Variants in CDH20 observed in about 807,000 individuals in gnomAD.
CDH20 encodes the protein cadherin-20.
Under a neutral mutation model 74.2 loss-of-function variants are expected in CDH20, and 29 were observed. That is an observed-to-expected ratio of 0.39 (90% CI 0.29 to 0.53). The LOEUF is 0.53. Among genes scored for constraint, CDH20 ranks in the 20% least tolerant of loss-of-function variants. The pLI, the probability that CDH20 is intolerant of heterozygous loss-of-function variation, is 0.69. For synonymous variants in CDH20, 469 were observed against 405.4 expected (o/e 1.16, Z -1.88); for missense variants, 988 against 1,048.3 (o/e 0.94, Z 0.79).
intron 10 of CDH20, among the ~76,000 whole-genome samples, chr18:61,546,590 A>G (rs489423): frequency 0.95 from 143,522 of 151,804 alleles, 68,003 homozygotes; most frequent in Non-Finnish European, 0.99. Flanking sequence ...AACCCTGGGG[A>G]GGGAAAATAA....
intron 9 of CDH20, among the ~76,000 whole-genome samples, chr18:61,541,416 C>A (rs1458724698): frequency 3.9e-5 from 6 of 152,006 alleles, no homozygotes; most frequent in Non-Finnish European, 8.8e-5. Context: ...CTCCTTCCCC[C>A]CAAAATAAAG....
chr18:61,450,581 T>C (rs1013979092), intron 1 of CDH20, among the ~76,000 whole-genome samples: 1 of 152,038 alleles, frequency 6.6e-6, no homozygotes, highest in African/African-American at 2.4e-5. Flanking sequence ...TTTTTTATTA[T>C]AGAGGTAATG....
rs1909546851 is a variant in CDH20 at position 61,455,608 on chromosome 18, A to G, written c.-152-34794A>G. Among the ~76,000 whole-genome samples the G allele has an allele frequency of 2.0e-5, 3 of 152,242 alleles. No homozygotes were observed. In the South Asian group the frequency reaches 6.2e-4, roughly 32 times the overall value. On this transcript the variant is annotated intron_variant, in intron 1 of 11. Transcript: ENST00000262717. ...TGACTACTAACCTTAAGGAGGCACA[A>G]ATTTTGAGTCATTTATTCTATGTTT...
rs145920224 is a variant in CDH20, at chr18:61,500,390, C to G, written c.549C>G (p.Ser183=). 21 of 1,611,844 alleles carry G rather than the reference C, an allele frequency of 1.3e-5. No individual in the cohort carries two copies. Among genetic ancestry groups the G allele is most frequent in the Non-Finnish European group, 1.7e-5 (20 of 1,178,654 alleles). Residue 183 remains serine (S), a synonymous_variant, in exon 4 of 12, where the codon TCC becomes TCG. Transcript: ENST00000262717. Reference sequence around the variant, plus strand: ...ACCTCTTCTCTTCCCCAGGTACCTCCGTCATCCAAGTGACAGCCACAGATG... The same window carrying G: ...ACCTCTTCTCTTCCCCAGGTACCTCGGTCATCCAAGTGACAGCCACAGATG... The part of the protein sequence containing the change: ...TVPEMSPVGT[S]VIQVTATDAD...
intron 1 of CDH20, among the ~76,000 whole-genome samples, chr18:61,459,043 G>C (rs983353371): frequency 6.6e-6 from 1 of 152,148 alleles, no homozygotes; most frequent in Non-Finnish European, 1.5e-5. Context: ...TACAGTAATA[G>C]CTCCTAAGTG....
At chr18:61,526,633 A>G (rs1414074216) in intron 6 of CDH20, among the ~76,000 whole-genome samples, 1 of 152,226 alleles carries the variant, frequency 6.6e-6, no homozygotes, top group African/African-American at 2.4e-5. Flanking sequence ...ACAACAATAG[A>G]TTAGTCTTCA....
chr18:61,404,440 G>A (rs988875120), intron 1 of CDH20, among the ~76,000 whole-genome samples: 19 of 152,060 alleles, frequency 1.2e-4, no homozygotes, highest in African/African-American at 3.9e-4. Context: ...AAACCCCTAG[G>A]GAAAGTTTTC....
intron 1 of CDH20, among the ~76,000 whole-genome samples, chr18:61,422,755 T>C (rs1036812922): frequency 9.3e-5 from 14 of 150,764 alleles, no homozygotes; most frequent in Admixed American, 2.6e-4. Flanking sequence ...GTTTTAAATA[T>C]ATAAAATATA....
chr18:61,531,302 A>T (rs1488119031), intron 7 of CDH20, among the ~76,000 whole-genome samples: 1 of 152,110 alleles, frequency 6.6e-6, no homozygotes, highest in Non-Finnish European at 1.5e-5. Context: ...TGCGACATTC[A>T]CTATATTGCC....
chr18:61,446,869 C>T (rs148484601), intron 1 of CDH20, among the ~76,000 whole-genome samples: 1 of 152,288 alleles, frequency 6.6e-6, no homozygotes, highest in African/African-American at 2.4e-5. Flanking sequence ...TAGGTGTAAA[C>T]ACACGAGGAT....
intron 1 of CDH20, among the ~76,000 whole-genome samples, chr18:61,414,832 CAT>C (rs1912633323): frequency 2.0e-5 from 3 of 151,888 alleles, no homozygotes; most frequent in Admixed American, 2.0e-4. Context: ...ATATAAATAA[CAT>C]AGAATTTACT....
chr18:61,377,420 T>G (rs1216149007), intron 1 of CDH20, among the ~76,000 whole-genome samples: 1 of 151,862 alleles, frequency 6.6e-6, no homozygotes, highest in Admixed American at 6.6e-5. Flanking sequence ...CACATAAGTT[T>G]CCATTACTTG....
At chr18:61,520,515 T>C (rs1376411288) in intron 6 of CDH20, among the ~76,000 whole-genome samples, 2 of 150,794 alleles carry the variant, frequency 1.3e-5, no homozygotes, top group Non-Finnish European at 2.9e-5. Flanking sequence ...CTACTGTCAA[T>C]ATTAGTCAGA....
chr18:61,420,381 T>C (rs1433381666), intron 1 of CDH20, among the ~76,000 whole-genome samples: 3 of 145,952 alleles, frequency 2.1e-5, no homozygotes, highest in Non-Finnish European at 4.5e-5. Context: ...TTTCAACAAA[T>C]ATTTTTTGAG....
intron 1 of CDH20, among the ~76,000 whole-genome samples, chr18:61,385,986 T>C (rs1911585282): frequency 6.6e-6 from 1 of 150,560 alleles, no homozygotes; most frequent in Non-Finnish European, 1.5e-5. Flanking sequence ...TGGATTAACA[T>C]GTAAAAAAAA....
At chr18:61,337,429 C>T (rs116584158) in intron 1 of CDH20, among the ~76,000 whole-genome samples, 194 of 152,186 alleles carry the variant, frequency 1.3e-3, no homozygotes, top group African/African-American at 4.1e-3. Context: ...CAAATAGCAC[C>T]AGATTGTTAT....
intron 1 of CDH20, among the ~76,000 whole-genome samples, chr18:61,360,632 G>T (rs1355649345): frequency 2.6e-5 from 4 of 152,212 alleles, no homozygotes; most frequent in Admixed American, 2.6e-4. Context: ...GTGGCACTGA[G>T]TCAGACCTCA....
At chr18:61,470,747 C>A (rs768519582) in intron 1 of CDH20, among the ~76,000 whole-genome samples, 9 of 152,078 alleles carry the variant, frequency 5.9e-5, no homozygotes, top group Non-Finnish European at 8.8e-5. Context: ...TGGGTATATA[C>A]GTTTTAGTAC....
intron 6 of CDH20, among the ~76,000 whole-genome samples, chr18:61,510,966 T>C (rs1305507383): frequency 4.2e-5 from 1 of 23,714 alleles, no homozygotes; most frequent in African/African-American, 1.8e-4. Context: ...GGTTTTTTCT[T>C]TCTTTCTTTC....
Sources: allele counts gnomAD v4.1 joint callset (sites outside exome capture counted in the v4.1 genomes callset), GRCh38; gene constraint gnomAD v4.1.1; transcripts MANE v1.5; gene names NCBI Gene and HGNC (gene_info 2026-07-23, HGNC 2026-07-21).